Variants in SSBP3 observed in about 807,000 individuals in gnomAD.
SSBP3 encodes single-stranded DNA-binding protein 3.
In SSBP3, 5 loss-of-function variants were observed where a neutral mutation model predicts 69.6. The observed-to-expected ratio is 0.07, with a 90% confidence interval of 0.04 to 0.15. SSBP3 has a LOEUF of 0.15. SSBP3 is among the 10% of genes least tolerant of loss of function. The pLI is 1.00. For missense variants in SSBP3, 312 were observed against 534.0 expected (o/e 0.58, Z 4.10); for synonymous variants, 196 against 193.4 (o/e 1.01, Z -0.11).
exon 10 of SSBP3, chr1:54,243,256 G>A: frequency 6.2e-7 from 1 of 1,613,958 alleles, no homozygotes; most frequent in Middle Eastern, 1.7e-4. Context: ...GGGCATGGCG[G>A]GGCCGAGGGA....
At chr1:54,378,880 A>C (rs555682045) in intron 4 of SSBP3, among the ~76,000 whole-genome samples, 7 of 152,324 alleles carry the variant, frequency 4.6e-5, no homozygotes, top group Middle Eastern at 3.4e-3. Context: ...GGAACTCCCC[A>C]TTTAGTCAAA....
intron 9 of SSBP3, among the ~76,000 whole-genome samples, chr1:54,245,596 A>T (rs1000038275): frequency 1.1e-4 from 16 of 152,156 alleles, no homozygotes; most frequent in Non-Finnish European, 2.4e-4. Flanking sequence ...GGATGTCCAG[A>T]CAGGATGCAG....
At chr1:54,318,558 T>C (rs1646155998) in intron 4 of SSBP3, among the ~76,000 whole-genome samples, 1 of 152,144 alleles carries the variant, frequency 6.6e-6, no homozygotes, top group Non-Finnish European at 1.5e-5. Context: ...CCCCAGAGTT[T>C]GGGGGGCTGG....
chr1:54,400,555 A>C (rs1649222813), intron 4 of SSBP3, among the ~76,000 whole-genome samples: 1 of 152,198 alleles, frequency 6.6e-6, no homozygotes, highest in African/African-American at 2.4e-5. Flanking sequence ...CTACCATGCA[A>C]GTTTACCAGA....
intron 7 of SSBP3, among the ~76,000 whole-genome samples, chr1:54,253,993 C>A (rs143819715): frequency 1.3e-5 from 2 of 152,356 alleles, no homozygotes; most frequent in East Asian, 3.9e-4. Context: ...ACTGAGGTGA[C>A]CCTGAGACAG....
intron 9 of SSBP3, among the ~76,000 whole-genome samples, chr1:54,244,731 A>G (rs1644703737): frequency 1.3e-5 from 2 of 152,124 alleles, no homozygotes; most frequent in South Asian, 4.1e-4. Context: ...TTTTCCCTGC[A>G]GTCATACATG....
In SSBP3 at chr1:54,227,164, G is replaced by A; in HGVS notation, c.1138-4C>T. 3 of 894,864 alleles carry A rather than the reference G, an allele frequency of 3.4e-6. No individual in the cohort carries two copies. The highest frequency in any genetic ancestry group is 5.0e-6 in the Non-Finnish European group (3 of 604,284). 55.4% of individuals were successfully genotyped at this position (894,864 alleles called of 1,614,324 possible). ...TCATCGTCATGCTTGGAGAATACTG[G>A]AAAGGAGAAGCAGAGAAGGGGGGGG... is the stretch of plus-strand genomic sequence containing the variant. On this transcript the variant is annotated splice_region_variant and splice_polypyrimidine_tract_variant and intron_variant, in intron 17 of 17. Coordinates refer to ENST00000610401, the Ensembl canonical transcript of SSBP3.
intron 4 of SSBP3, among the ~76,000 whole-genome samples, chr1:54,400,200 G>C (rs544103555): frequency 6.6e-6 from 1 of 152,118 alleles, no homozygotes; most frequent in Non-Finnish European, 1.5e-5. Flanking sequence ...GTAGAGCACC[G>C]AACTTGGTTA....
At chr1:54,247,249 C>T (rs1477886063) in intron 9 of SSBP3, among the ~76,000 whole-genome samples, 1 of 152,222 alleles carries the variant, frequency 6.6e-6, no homozygotes, top group Admixed American at 6.5e-5. Context: ...CCAGAGTCTG[C>T]ATTCTTAGCC....
At chr1:54,280,070 G>A (rs1458997115) in intron 5 of SSBP3, among the ~76,000 whole-genome samples, 1 of 152,128 alleles carries the variant, frequency 6.6e-6, no homozygotes, top group Non-Finnish European at 1.5e-5. Flanking sequence ...CCAATGCCCC[G>A]GATGGCCATC....
At chr1:54,325,449 A>C (rs926386013) in intron 4 of SSBP3, 1 of 167,136 alleles carries the variant, frequency 6.0e-6, no homozygotes. Flanking sequence ...ACAGGAGTGG[A>C]AGGTGGGAAA....
At chr1:54,267,731 C>T (rs890807023) in intron 5 of SSBP3, among the ~76,000 whole-genome samples, 1 of 151,930 alleles carries the variant, frequency 6.6e-6, no homozygotes, top group East Asian at 2.0e-4. Flanking sequence ...AATGGCAATA[C>T]GATCTGTATC....
chr1:54,286,105 C>T (rs1645484152), intron 4 of SSBP3, among the ~76,000 whole-genome samples: 2 of 152,088 alleles, frequency 1.3e-5, no homozygotes, highest in African/African-American at 2.4e-5. Flanking sequence ...TCATTATAGG[C>T]CATTTTGTGA....
chr1:54,274,010 G>A (rs879899986), intron 5 of SSBP3, among the ~76,000 whole-genome samples: 71 of 152,328 alleles, frequency 4.7e-4, no homozygotes, highest in Admixed American at 4.1e-3. Context: ...ACAGCAGGGC[G>A]GAGGAGCTGG....
intron 4 of SSBP3, among the ~76,000 whole-genome samples, chr1:54,284,298 T>C (rs1386523100): frequency 3.9e-5 from 6 of 151,974 alleles, no homozygotes; most frequent in Non-Finnish European, 5.9e-5. Context: ...TAGTATCCCT[T>C]TGGTATTCGG....
At chr1:54,363,753 C>T (rs1168248638) in intron 4 of SSBP3, among the ~76,000 whole-genome samples, 1 of 152,192 alleles carries the variant, frequency 6.6e-6, no homozygotes, top group Non-Finnish European at 1.5e-5. Context: ...AGGTATACTG[C>T]AGAAGAAATG....
At chr1:54,237,354 G>A (rs1349483468) in intron 14 of SSBP3, 4 of 152,204 alleles carry the variant, frequency 2.6e-5, no homozygotes, top group African/African-American at 7.2e-5. Flanking sequence ...GGAACAAGAT[G>A]ATAATGGCGT....
Position 54,249,323 on chromosome 1 carries a change from C to T in SSBP3, c.651+2293G>A, listed in dbSNP as rs188112853. Among the ~76,000 whole-genome samples the T allele has an allele frequency of 5.9e-5, 9 of 152,354 alleles. No individual in the cohort carries two copies. In the East Asian group the frequency reaches 9.6e-4, roughly 16 times the overall value. On this transcript the variant is annotated intron_variant, in intron 9 of 17. Coordinates refer to ENST00000610401, the Ensembl canonical transcript of SSBP3. ...AAACCCAAGCAACTAGAGGTCTTAA[C>T]ATTGGTTTTCAGTCCCTAAAGTTGG...
chr1:54,399,237 G>A (rs1649118827), intron 4 of SSBP3, among the ~76,000 whole-genome samples: 1 of 152,260 alleles, frequency 6.6e-6, no homozygotes, highest in African/African-American at 2.4e-5. Flanking sequence ...TAAGTGAGAA[G>A]TTAGGTGGAA....
Sources: allele counts gnomAD v4.1 joint callset (sites outside exome capture counted in the v4.1 genomes callset), GRCh38; gene constraint gnomAD v4.1.1; transcripts MANE v1.5; gene names NCBI Gene and HGNC (gene_info 2026-07-23, HGNC 2026-07-21).